The following CSDE1 variants were observed in gnomAD, a reference collection of about 807,000 sequenced individuals.
CSDE1 encodes cold shock domain containing E1.
A neutral mutation model predicts 89.3 loss-of-function variants in CSDE1; 17 were observed. That is an observed-to-expected ratio of 0.19 (90% CI 0.13 to 0.29). The LOEUF (loss-of-function observed/expected upper bound fraction) is 0.29, where lower values mean the gene tolerates loss of function less well. CSDE1 is among the 10% of genes least tolerant of loss of function. The probability of loss-of-function intolerance (pLI) is 1.00; values close to 1 mark genes in which losing one functional copy is unlikely to be tolerated. For missense variants in CSDE1, 672 were observed against 984.2 expected, an observed-to-expected ratio of 0.68 and a Z score of 4.24; for synonymous variants, 322 against 332.8, an observed-to-expected ratio of 0.97 and a Z score of 0.35.
chr1:114,726,956 T>A (rs1257474176), intron 13 of CSDE1, 27 bp downstream of exon 13: 35 of 1,466,868 alleles, frequency 2.4e-5, no homozygotes, highest in Non-Finnish European at 3.3e-5. Flanking sequence ...CTCTTAACCC[T>A]CTCTCGAATG....
intron 2 of CSDE1, among the ~76,000 whole-genome samples, chr1:114,744,530 C>T (rs966303853): frequency 6.6e-5 from 10 of 151,852 alleles, no homozygotes; most frequent in African/African-American, 1.2e-4. Context: ...ATCCTGACAC[C>T]GTACTCCAGC....
intron 1 of CSDE1, chr1:114,756,687 C>A (rs1474530899): frequency 6.6e-6 from 1 of 152,228 alleles, no homozygotes; most frequent in East Asian, 1.9e-4. Flanking sequence ...TGCCTTTGAG[C>A]ATTCTCCCTC....
chr1:114,733,844 G>C lies in CSDE1; in HGVS notation c.725C>G (p.Ala242Gly). The C allele has an allele frequency of 6.2e-7, 1 of 1,613,902 alleles. No homozygotes were observed. Among genetic ancestry groups the C allele is most frequent in the South Asian group, 1.1e-5 (1 of 91,086 alleles). The change falls in exon 9 of 20, where the codon GCA becomes GGA. Residue 242 changes from alanine to glycine, a missense_variant. By Grantham distance (60) the Ala-to-Gly change is moderately conservative. Transcript: ENST00000358528. ...TTGAGGCAATAGTCTGACATCTGTTGCAACTTCTTTACCCTAAATCAGAAG... is the reference window on the plus strand; with the variant it reads ...TTGAGGCAATAGTCTGACATCTGTTCCAACTTCTTTACCCTAAATCAGAAG... ...TIKDRNGKEV[A>G]TDVRLLPQGT... is the part of the protein sequence containing the mutation.
chr1:114,730,905 C>G (rs886681225), intron 10 of CSDE1, among the ~76,000 whole-genome samples: 2 of 152,174 alleles, frequency 1.3e-5, no homozygotes, highest in Admixed American at 6.6e-5. Flanking sequence ...CACATGTGAA[C>G]GTAAACACGT....
chr1:114,736,860 G>C lies in CSDE1; in HGVS notation c.403-5C>G, dbSNP rs745483259. On this transcript the variant is annotated splice_region_variant and splice_polypyrimidine_tract_variant and intron_variant, in intron 5 of 19. Coordinates refer to ENST00000358528, the MANE Select transcript of CSDE1 (RefSeq NM_001007553.3). ...GTAAGTCAGATAAAACACTTCCTGT[G>C]AATTAATAAATCATTATTACTATTT... 1.3e-6 allele frequency: 2 copies of C among 1,595,488 alleles called. No homozygotes were observed. The highest frequency in any genetic ancestry group is 1.7e-6 in the Non-Finnish European group (2 of 1,164,878).
At chr1:114,723,046 A>G (rs1659612319) in intron 16 of CSDE1, among the ~76,000 whole-genome samples, 1 of 151,942 alleles carries the variant, frequency 6.6e-6, no homozygotes, top group African/African-American at 2.4e-5. Flanking sequence ...AATAGTAGAG[A>G]CGGGGTTTCA....
intron 3 of CSDE1, among the ~76,000 whole-genome samples, chr1:114,739,215 T>C (rs1247338383): frequency 6.6e-6 from 1 of 151,976 alleles, no homozygotes; most frequent in East Asian, 1.9e-4. Flanking sequence ...GTATTTTTAG[T>C]AGAGACGGGG....
At chr1:114,718,965 T>G in intron 18 of CSDE1, 1 of 548,124 alleles carries the variant, frequency 1.8e-6, no homozygotes, top group Non-Finnish European at 3.2e-6. Context: ...AAGGAATCAT[T>G]TGCAGACCCT....
At chr1:114,723,378 G>A (rs542036625) in intron 16 of CSDE1, among the ~76,000 whole-genome samples, 1 of 152,208 alleles carries the variant, frequency 6.6e-6, no homozygotes, top group Admixed American at 6.5e-5. Flanking sequence ...GAAAAAAGAA[G>A]AAGAAAGTAG....
chr1:114,723,171 C>T (rs1175811823), intron 16 of CSDE1, among the ~76,000 whole-genome samples: 1 of 152,168 alleles, frequency 6.6e-6, no homozygotes, highest in Non-Finnish European at 1.5e-5. Flanking sequence ...AAGCCATCAT[C>T]TTTGGTTGGA....
In CSDE1 at chr1:114,723,745, A is replaced by T. The variant is rs980325515; in HGVS notation, c.1873+138T>A. 1.5e-4 allele frequency: 177 copies of T among 1,180,668 alleles called. No homozygotes were observed. In the Middle Eastern group the frequency reaches 1.7e-3, roughly 11 times the overall value. 73.1% of individuals were successfully genotyped at this position (1,180,668 alleles called of 1,614,324 possible). A position where few individuals can be genotyped will look rare whatever the true frequency, so the allele number is the denominator to read the frequency against. Reference sequence around the variant, plus strand: ...TCAAGGGGTATAAAAATAAAAAGCAAGCATGAGAGAGGTCACTTTTCCTTA... The same window carrying T: ...TCAAGGGGTATAAAAATAAAAAGCATGCATGAGAGAGGTCACTTTTCCTTA... On this transcript the variant is annotated intron_variant, in intron 16 of 19. Coordinates refer to ENST00000358528, the MANE Select transcript of CSDE1 (RefSeq NM_001007553.3).
intron 7 of CSDE1, 73 bp downstream of exon 7, chr1:114,734,365 AAAAC>A: frequency 1.5e-6 from 2 of 1,353,318 alleles, no homozygotes; most frequent in Non-Finnish European, 2.1e-6. Context: ...AAGAAAAAAA[AAAAC>A]AAAGGCTGGA....
At chr1:114,740,726 CTTT>C (rs1421189350) in intron 2 of CSDE1, among the ~76,000 whole-genome samples, 6 of 152,150 alleles carry the variant, frequency 3.9e-5, no homozygotes, top group South Asian at 4.1e-4. Flanking sequence ...CATTTCCCTT[CTTT>C]GAGTAAAACA....
chr1:114,747,320 T>C (rs1233818176), intron 2 of CSDE1, among the ~76,000 whole-genome samples: 2 of 152,228 alleles, frequency 1.3e-5, no homozygotes, highest in African/African-American at 2.4e-5. Flanking sequence ...CTTAGCTGTG[T>C]GCCCCCTTTA....
chr1:114,740,989 T>C (rs550667306), intron 2 of CSDE1, among the ~76,000 whole-genome samples: 32 of 152,352 alleles, frequency 2.1e-4, no homozygotes, highest in African/African-American at 7.5e-4. Context: ...CAACGATATG[T>C]GTGATGGTCA....
intron 3 of CSDE1, 49 bp from the exon 4 acceptor site, chr1:114,738,121 G>T: frequency 1.5e-6 from 2 of 1,362,174 alleles, no homozygotes; most frequent in South Asian, 1.2e-5. Flanking sequence ...TTTGCGAAAC[G>T]ATATATTGCT....
chr1:114,746,902 T>A (rs1390168173), intron 2 of CSDE1: 2 of 152,216 alleles, frequency 1.3e-5, no homozygotes, highest in African/African-American at 4.8e-5. Flanking sequence ...CATAGGTCTC[T>A]ATTTGACTAC....
At chr1:114,742,474 C>G (rs1420878770) in intron 2 of CSDE1, among the ~76,000 whole-genome samples, 2 of 152,030 alleles carry the variant, frequency 1.3e-5, no homozygotes, top group African/African-American at 4.8e-5. Flanking sequence ...CCCAGCTACT[C>G]AGGAGGGGGA....
chr1:114,726,418 T>A, intron 13 of CSDE1, 32 bp from the exon 14 acceptor site: 1 of 1,568,426 alleles, frequency 6.4e-7, no homozygotes, highest in Non-Finnish European at 8.7e-7. Context: ...ATTAACACCA[T>A]ATCACTTCCA....
Sources: gnomAD v4.1 joint callset for allele counts (sites outside exome capture counted in the v4.1 genomes callset) on GRCh38, gnomAD v4.1.1 for gene constraint, MANE v1.5 for transcripts, NCBI Gene and HGNC (gene_info 2026-07-23, HGNC 2026-07-21) for gene names.